The following FHIT variants were observed in gnomAD, a reference collection of about 807,000 sequenced individuals.
FHIT encodes bis(5'-adenosyl)-triphosphatase.
Under a neutral mutation model 17.9 loss-of-function variants are expected in FHIT, and 19 were observed. The ratio of observed to expected loss-of-function variants is 1.06; its 90% CI spans 0.74 to 1.56. The LOEUF (loss-of-function observed/expected upper bound fraction) is 1.56. FHIT is among the 40% of genes most tolerant of loss of function. The pLI, the probability that FHIT is intolerant of heterozygous loss-of-function variation, is 0.00. For missense variants in FHIT, 248 were observed against 189.2 expected, an observed-to-expected ratio of 1.31 and a Z score of -1.82; for synonymous variants, 81 against 69.7, an observed-to-expected ratio of 1.16 and a Z score of -0.81.
At chr3:60,141,196 A>C (rs182396916) in intron 5 of FHIT, among the ~76,000 whole-genome samples, 1 of 152,132 alleles carries the variant, frequency 6.6e-6, no homozygotes, top group Non-Finnish European at 1.5e-5. Context: ...GAATTAAAAC[A>C]TAATAAGCCC....
intron 5 of FHIT, among the ~76,000 whole-genome samples, chr3:60,415,048 G>A (rs191012135): frequency 1.1e-4 from 16 of 152,206 alleles, no homozygotes; most frequent in African/African-American, 2.4e-4. Flanking sequence ...AGTGAGGCCC[G>A]GGAATGTGCA....
At chr3:60,698,465 G>A (rs1281198010) in intron 4 of FHIT, among the ~76,000 whole-genome samples, 1 of 152,124 alleles carries the variant, frequency 6.6e-6, no homozygotes, top group Non-Finnish European at 1.5e-5. Context: ...ACTCCCTGGA[G>A]AAAAATTGCA....
intron 2 of FHIT, among the ~76,000 whole-genome samples, chr3:61,051,121 T>A (rs1383436730): frequency 2.0e-5 from 3 of 152,026 alleles, no homozygotes; most frequent in Non-Finnish European, 4.4e-5. Flanking sequence ...GTGAAAAAAA[T>A]GTGCGTTAAA....
chr3:59,990,729 G>A (rs1709189452), intron 7 of FHIT, among the ~76,000 whole-genome samples: 1 of 151,954 alleles, frequency 6.6e-6, no homozygotes, highest in African/African-American at 2.4e-5. Context: ...TAACCACTTG[G>A]GGAAAAACAA....
At chr3:60,993,997 A>T (rs1474501277) in intron 3 of FHIT, among the ~76,000 whole-genome samples, 1 of 152,250 alleles carries the variant, frequency 6.6e-6, no homozygotes, top group Non-Finnish European at 1.5e-5. Flanking sequence ...AAATACACAC[A>T]GGATTTCAGA....
chr3:60,332,095 A>C (rs780685429), intron 5 of FHIT, among the ~76,000 whole-genome samples: 12 of 152,166 alleles, frequency 7.9e-5, no homozygotes, highest in Non-Finnish European at 1.8e-4. Context: ...TATCTATTCT[A>C]TACTAGGTAC....
chr3:60,877,547 T>A (rs1373948959), intron 3 of FHIT, among the ~76,000 whole-genome samples: 2 of 152,162 alleles, frequency 1.3e-5, no homozygotes, highest in Non-Finnish European at 2.9e-5. Flanking sequence ...AAGGAAATAG[T>A]GCTTTGGTAG....
At chr3:61,004,013 T>A (rs1338536113) in intron 3 of FHIT, among the ~76,000 whole-genome samples, 2 of 152,152 alleles carry the variant, frequency 1.3e-5, no homozygotes, top group Non-Finnish European at 2.9e-5. Flanking sequence ...GATTATTAAA[T>A]AATGACTGTA....
At chr3:59,835,475 T>TA (rs1701308453) in intron 8 of FHIT, among the ~76,000 whole-genome samples, 1 of 152,140 alleles carries the variant, frequency 6.6e-6, no homozygotes, top group Non-Finnish European at 1.5e-5. Context: ...AGAAGGCCTT[T>TA]ATGCTGAAGC....
At chr3:60,710,878 T>G (rs2041509106) in intron 4 of FHIT, among the ~76,000 whole-genome samples, 1 of 152,190 alleles carries the variant, frequency 6.6e-6, no homozygotes, top group African/African-American at 2.4e-5. Context: ...CAGTAACCTC[T>G]GCAGACTTAA....
intron 1 of FHIT, among the ~76,000 whole-genome samples, chr3:61,207,040 T>A (rs1176172179): frequency 6.6e-6 from 1 of 152,230 alleles, no homozygotes; most frequent in Non-Finnish European, 1.5e-5. Flanking sequence ...AGTTGTTGAA[T>A]TTTGTCAAAG....
intron 8 of FHIT, among the ~76,000 whole-genome samples, chr3:59,805,010 C>T (rs944610168): frequency 6.6e-6 from 1 of 152,112 alleles, no homozygotes; most frequent in African/African-American, 2.4e-5. Flanking sequence ...GGAGAGGGAG[C>T]TAAGGCGGCC....
At chr3:59,802,973 C>T (rs1047920214) in intron 8 of FHIT, among the ~76,000 whole-genome samples, 6 of 152,176 alleles carry the variant, frequency 3.9e-5, no homozygotes, top group Admixed American at 3.3e-4. Flanking sequence ...ACCTATTCTA[C>T]TTGACTGACT....
intron 5 of FHIT, among the ~76,000 whole-genome samples, chr3:60,425,592 C>T (rs147633319): frequency 1.2e-4 from 18 of 152,066 alleles, no homozygotes; most frequent in Admixed American, 2.0e-4. Context: ...AGGGAAGCAT[C>T]CCTTTTTTCC....
chr3:60,474,840 C>A (rs2033266283), intron 5 of FHIT, among the ~76,000 whole-genome samples: 1 of 152,124 alleles, frequency 6.6e-6, no homozygotes, highest in South Asian at 2.1e-4. Flanking sequence ...TCAGGCTGTT[C>A]TCAAACTCCT....
At chr3:60,565,973 T>C (rs990246405) in intron 4 of FHIT, among the ~76,000 whole-genome samples, 3 of 152,194 alleles carry the variant, frequency 2.0e-5, no homozygotes, top group Admixed American at 6.5e-5. Flanking sequence ...TTTGTTCTCA[T>C]TGGTTTCAAA....
intron 8 of FHIT, among the ~76,000 whole-genome samples, chr3:59,804,864 C>A (rs768865255): frequency 2.0e-4 from 31 of 152,318 alleles, no homozygotes; most frequent in Non-Finnish European, 3.7e-4. Flanking sequence ...GCAGAGCGAA[C>A]AGCCGAGGAC....
At chr3:60,803,895 G>C (rs1553733109) in intron 4 of FHIT, among the ~76,000 whole-genome samples, 1 of 152,154 alleles carries the variant, frequency 6.6e-6, no homozygotes, top group Non-Finnish European at 1.5e-5. Flanking sequence ...AATTAGCATG[G>C]TCCATTTTAA....
In FHIT at chr3:60,880,471, G is replaced by A. The variant is rs372596996; in HGVS notation, c.-110-58460C>T. Among the ~76,000 whole-genome samples the A allele has an allele frequency of 2.7e-4, 41 of 152,340 alleles. No individual in the cohort carries two copies. The South Asian group carries it at 5.6e-3, about 21-fold the overall frequency. On this transcript the variant is annotated intron_variant, in intron 3 of 9. Transcript: ENST00000492590. ...GTAGAGGCTGAGCATGGTGGCTTAC[G>A]CCTATAATCCCAGAATTTTGGGAGT...
Sources: allele counts gnomAD v4.1 joint callset (sites outside exome capture counted in the v4.1 genomes callset), GRCh38; gene constraint gnomAD v4.1.1; transcripts MANE v1.5; gene names NCBI Gene and HGNC (gene_info 2026-07-23, HGNC 2026-07-21).